ANK3: variants seen among roughly 807,000 people sequenced by gnomAD.
ANK3 encodes the protein ankyrin-3.
In ANK3, 57 loss-of-function variants were observed where a neutral mutation model predicts 370.9. That is an observed-to-expected ratio of 0.15 (90% CI 0.12 to 0.19). ANK3 has a LOEUF of 0.19. ANK3 is among the 10% of genes least tolerant of loss of function. The probability of loss-of-function intolerance (pLI) is 1.00; values close to 1 mark genes in which losing one functional copy is unlikely to be tolerated. For synonymous variants in ANK3, 1,929 were observed against 1,946.3 expected, an observed-to-expected ratio of 0.99 and a Z score of 0.23; for missense variants, 4,439 against 5,302.1, an observed-to-expected ratio of 0.84 and a Z score of 5.06.
rs955489647 is a variant in ANK3, at chr10:60,059,056, A to C, written c.12686+284T>G. 2.6e-5 allele frequency among the ~76,000 whole-genome samples: 4 copies of C among 152,254 alleles called. No individual in the cohort carries two copies. In the East Asian group the frequency reaches 7.7e-4, roughly 29 times the overall value. On this transcript the variant is annotated intron_variant, in intron 41 of 43. Transcript: ENST00000280772. Reference sequence around the variant, plus strand: ...CTGGCTATATGAAAAGAATCATACAAGTAATAAAGTAGAAAAGAATAGTAT... The same window carrying C: ...CTGGCTATATGAAAAGAATCATACACGTAATAAAGTAGAAAAGAATAGTAT...
At chr10:60,286,286 G>A (rs1007116410) in intron 1 of ANK3, among the ~76,000 whole-genome samples, 4 of 152,056 alleles carry the variant, frequency 2.6e-5, no homozygotes, top group Admixed American at 2.6e-4. Flanking sequence ...TAAATATTAT[G>A]TAATTGACTT....
chr10:60,391,958 T>C (rs1185846883), upstream of ANK3, among the ~76,000 whole-genome samples: 1 of 152,208 alleles, frequency 6.6e-6, no homozygotes, highest in Non-Finnish European at 1.5e-5. Flanking sequence ...AGGTATAGCT[T>C]GCTCAGATTA....
rs201787335 is a variant in ANK3 at position 60,715,776 on chromosome 10, A to AT, written c.57+17486dup. 5.4e-3 allele frequency among the ~76,000 whole-genome samples: 815 copies of AT among 152,140 alleles called. 10 individuals are homozygous for AT. Among genetic ancestry groups the AT allele is most frequent in the African/African-American group, 0.018 (761 of 41,518 alleles). ...TGAATGTTACGATTTTTGTTCTACG[A>AT]TTTTTTTTAATTCAACTTTACAATG... On this transcript the variant is annotated intron_variant, in intron 1 of 43. Coordinates refer to the ANK3 transcript ENST00000373827.
At position 60,607,065 on chromosome 10, in the gene ANK3, A is replaced by G. The variant is rs537304163; in HGVS notation, c.96+8121T>C. Among the ~76,000 whole-genome samples the G allele has an allele frequency of 7.9e-5, 12 of 152,260 alleles. No homozygotes were observed. In the East Asian group the frequency reaches 2.3e-3, roughly 29 times the overall value. On this transcript the variant is annotated intron_variant, in intron 2 of 43. Coordinates refer to the ANK3 transcript ENST00000373827. ...GGAACAGATAAAGGCCTATAAAGAA[A>G]AATAGTCTTTATGTAAGAAAAGGCT...
intron 1 of ANK3, among the ~76,000 whole-genome samples, chr10:60,672,935 C>T (rs2079080069): frequency 2.0e-5 from 3 of 152,116 alleles, no homozygotes; most frequent in Non-Finnish European, 4.4e-5. Flanking sequence ...AATCCCCACA[C>T]ATTCTGGTCA....
chr10:60,663,174 CT>C (rs1489019377), intron 1 of ANK3, among the ~76,000 whole-genome samples: 1 of 152,212 alleles, frequency 6.6e-6, no homozygotes, highest in Non-Finnish European at 1.5e-5. Flanking sequence ...CATTAAAGCA[CT>C]TCGTATTGTA....
chr10:60,216,102 T>C (rs1185504065), intron 8 of ANK3, among the ~76,000 whole-genome samples: 2 of 152,158 alleles, frequency 1.3e-5, no homozygotes, highest in African/African-American at 4.8e-5. Context: ...TTTATTCTCT[T>C]TGTAGTGATT....
At position 60,055,760 on chromosome 10, in the gene ANK3, A is replaced by G; in HGVS notation, c.12963T>C (p.Cys4321=). 6.2e-7 allele frequency: 1 copy of G among 1,614,190 alleles called. No individual in the cohort carries two copies. Among genetic ancestry groups the G allele is most frequent in the Non-Finnish European group, 8.5e-7 (1 of 1,180,024 alleles). ...SKLIIEETKP[C]VPVSMKKMSR... is the part of the protein sequence containing the mutation. ...TCATCTTTTTCATACTGACAGGCACACAGGGTTTAGTCTCTTCTATTATAA... is the reference window on the plus strand; with the variant it reads ...TCATCTTTTTCATACTGACAGGCACGCAGGGTTTAGTCTCTTCTATTATAA... The change falls in exon 42 of 44, where the codon TGT becomes TGC. Residue 4321 remains cysteine (C), a synonymous_variant. Transcript: ENST00000280772.
At chr10:60,086,515 A>T (rs1046543637) in intron 30 of ANK3, 162 bp downstream of exon 30, 1 of 570,302 alleles carries the variant, frequency 1.8e-6, no homozygotes, top group African/African-American at 1.9e-5. Context: ...ATCCTTGGGA[A>T]ACCAGAGATG....
intron 1 of ANK3, among the ~76,000 whole-genome samples, chr10:60,671,364 C>G (rs1259102054): frequency 6.6e-6 from 1 of 152,164 alleles, no homozygotes; most frequent in Non-Finnish European, 1.5e-5. Context: ...CCCTCCCAGC[C>G]TTTCTGTGAC....
At chr10:60,295,978 C>G (rs1190856375) in intron 1 of ANK3, among the ~76,000 whole-genome samples, 6 of 152,214 alleles carry the variant, frequency 3.9e-5, no homozygotes, top group African/African-American at 1.4e-4. Context: ...CTAGAAGGGT[C>G]TCAGGGACAC....
intron 2 of ANK3, among the ~76,000 whole-genome samples, chr10:60,587,463 C>T: frequency 6.6e-6 from 1 of 152,058 alleles, no homozygotes; most frequent in East Asian, 1.9e-4. Flanking sequence ...CTCCAAAAAC[C>T]TTGTAGAAAT....
chr10:60,453,888 A>G (rs1224406276), intron 2 of ANK3, among the ~76,000 whole-genome samples: 3 of 152,230 alleles, frequency 2.0e-5, no homozygotes, highest in Non-Finnish European at 2.9e-5. Context: ...CATATGACTT[A>G]CTAAAATTTG....
intron 1 of ANK3, among the ~76,000 whole-genome samples, chr10:60,385,958 C>T (rs1240731326): frequency 6.6e-6 from 1 of 152,144 alleles, no homozygotes; most frequent in Non-Finnish European, 1.5e-5. Context: ...GCATGACACG[C>T]AGGTAACATG....
intron 2 of ANK3, among the ~76,000 whole-genome samples, chr10:60,530,063 C>T (rs1482724389): frequency 2.0e-5 from 3 of 152,178 alleles, no homozygotes; most frequent in African/African-American, 4.8e-5. Flanking sequence ...GGCCTGACCC[C>T]TTGCAGCCAG....
chr10:60,438,763 G>A (rs2064220834), intron 2 of ANK3, among the ~76,000 whole-genome samples: 1 of 152,210 alleles, frequency 6.6e-6, no homozygotes, highest in African/African-American at 2.4e-5. Flanking sequence ...TTTACCATAA[G>A]GGAAAGTGCA....
chr10:60,056,867 A>G (rs2079276170), intron 41 of ANK3, among the ~76,000 whole-genome samples: 1 of 152,130 alleles, frequency 6.6e-6, no homozygotes, highest in African/African-American at 2.4e-5. Flanking sequence ...CTACCAAAAA[A>G]CTACAAAAAT....
chr10:60,250,000 AT>A (rs1282514972), intron 7 of ANK3, among the ~76,000 whole-genome samples: 1 of 152,204 alleles, frequency 6.6e-6, no homozygotes, highest in African/African-American at 2.4e-5. Context: ...TTTTTTGTGA[AT>A]TTCATATGAT....
chr10:60,277,649 C>A (rs1339563006), intron 4 of ANK3, among the ~76,000 whole-genome samples: 2 of 152,112 alleles, frequency 1.3e-5, no homozygotes, highest in African/African-American at 4.8e-5. Flanking sequence ...ATCATCCTAA[C>A]TTTTCACATG....
Sources: gnomAD v4.1 joint callset for allele counts (sites outside exome capture counted in the v4.1 genomes callset) on GRCh38, gnomAD v4.1.1 for gene constraint, MANE v1.5 for transcripts, NCBI Gene and HGNC (gene_info 2026-07-23, HGNC 2026-07-21) for gene names.